NELL1: variants seen among roughly 807,000 people sequenced by gnomAD.
NELL1 encodes protein kinase C-binding protein NELL1.
A neutral mutation model predicts 107.4 loss-of-function variants in NELL1; 76 were observed. That is an observed-to-expected ratio of 0.71 (90% confidence interval 0.59 to 0.86). The LOEUF (loss-of-function observed/expected upper bound fraction) is 0.86, where lower values mean the gene tolerates loss of function less well. NELL1 is among the 40% of genes least tolerant of loss of function. The pLI, the probability that NELL1 is intolerant of heterozygous loss-of-function variation, is 0.00. For synonymous variants in NELL1, 353 were observed against 341.2 expected, an observed-to-expected ratio of 1.03 and a Z score of -0.38; for missense variants, 1,024 against 1,005.5, an observed-to-expected ratio of 1.02 and a Z score of -0.25.
At chr11:21,192,778 C>CT (rs1857074439) in intron 13 of NELL1, among the ~76,000 whole-genome samples, 1 of 151,724 alleles carries the variant, frequency 6.6e-6, no homozygotes. Context: ...AATGTGGCCA[C>CT]TTTTTTCTGG....
chr11:21,118,468 C>T (rs555708303), intron 13 of NELL1, among the ~76,000 whole-genome samples: 101 of 152,142 alleles, frequency 6.6e-4, no homozygotes, highest in Non-Finnish European at 2.5e-4. Context: ...TATATTATGT[C>T]CCCACCCATA....
chr11:20,890,143 G>C (rs1297845461), intron 5 of NELL1, among the ~76,000 whole-genome samples: 1 of 152,094 alleles, frequency 6.6e-6, no homozygotes, highest in African/African-American at 2.4e-5. Context: ...GTCCCAGAAG[G>C]AGCAGGAATC....
At chr11:21,391,411 C>T (rs10160607) in intron 15 of NELL1, among the ~76,000 whole-genome samples, 76,005 of 151,486 alleles carry the variant, frequency 0.5, 19,378 homozygotes, top group South Asian at 0.65. Flanking sequence ...ATTTCTGGGA[C>T]TTAAAAAAAT....
chr11:21,075,846 G>A (rs905643189), intron 12 of NELL1, among the ~76,000 whole-genome samples: 7 of 151,930 alleles, frequency 4.6e-5, no homozygotes, highest in East Asian at 3.9e-4. Flanking sequence ...TTCTATAATC[G>A]GTCATGGGGT....
chr11:21,272,741 T>G (rs1319875114), intron 14 of NELL1, among the ~76,000 whole-genome samples: 1 of 152,172 alleles, frequency 6.6e-6, no homozygotes, highest in Non-Finnish European at 1.5e-5. Context: ...CATCTGCTGT[T>G]CACCAATATC....
intron 15 of NELL1, among the ~76,000 whole-genome samples, chr11:21,492,811 G>A (rs1441418926): frequency 1.3e-5 from 2 of 151,122 alleles, no homozygotes; most frequent in East Asian, 1.9e-4. Context: ...CGAGTTAATG[G>A]GTACAGCACA....
chr11:20,991,373 C>A (rs780057201), intron 12 of NELL1, among the ~76,000 whole-genome samples: 1 of 152,168 alleles, frequency 6.6e-6, no homozygotes, highest in Non-Finnish European at 1.5e-5. Flanking sequence ...CATATGTCAA[C>A]CCTTATTGAG....
chr11:20,699,994 T>G (rs1854731501), intron 2 of NELL1, among the ~76,000 whole-genome samples: 1 of 151,922 alleles, frequency 6.6e-6, no homozygotes, highest in Admixed American at 6.6e-5. Flanking sequence ...TAAGGTGGTA[T>G]CTCATTGTGG....
intron 2 of NELL1, among the ~76,000 whole-genome samples, chr11:20,727,120 G>A (rs1855525648): frequency 6.6e-6 from 1 of 152,180 alleles, no homozygotes; most frequent in African/African-American, 2.4e-5. Context: ...CCAGTAATGG[G>A]ATGGCTGGGT....
intron 16 of NELL1, among the ~76,000 whole-genome samples, chr11:21,544,870 G>A (rs1856394894): frequency 6.6e-6 from 1 of 151,702 alleles, no homozygotes; most frequent in African/African-American, 2.4e-5. Context: ...TGAATAATGA[G>A]CTGTTTCAGA....
intron 5 of NELL1, among the ~76,000 whole-genome samples, chr11:20,888,323 G>A (rs1395592507): frequency 6.6e-6 from 1 of 151,848 alleles, no homozygotes; most frequent in Non-Finnish European, 1.5e-5. Context: ...TTTAATATGT[G>A]TGAATATGTA....
At chr11:21,421,942 A>G (rs1852683921) in intron 15 of NELL1, among the ~76,000 whole-genome samples, 1 of 152,210 alleles carries the variant, frequency 6.6e-6, no homozygotes, top group Non-Finnish European at 1.5e-5. Context: ...CAAGATTATC[A>G]GCAGATTTTT....
chr11:21,115,846 G>A (rs1342047622), intron 13 of NELL1, among the ~76,000 whole-genome samples: 1 of 151,870 alleles, frequency 6.6e-6, no homozygotes, highest in African/African-American at 2.4e-5. Flanking sequence ...TATCATCACT[G>A]CCTCCTCTCA....
At chr11:21,488,851 A>G (rs902573304) in intron 15 of NELL1, among the ~76,000 whole-genome samples, 1 of 152,142 alleles carries the variant, frequency 6.6e-6, no homozygotes, top group African/African-American at 2.4e-5. Context: ...ATTTCAAATA[A>G]TAACCTAATG....
intron 14 of NELL1, among the ~76,000 whole-genome samples, chr11:21,323,778 G>T (rs1291352748): frequency 6.6e-6 from 1 of 151,954 alleles, no homozygotes; most frequent in East Asian, 1.9e-4. Flanking sequence ...TTTGTTATCT[G>T]ATACCTTCCA....
chr11:20,749,441 A>T (rs1187608404), intron 2 of NELL1, among the ~76,000 whole-genome samples: 1 of 151,940 alleles, frequency 6.6e-6, no homozygotes, highest in Non-Finnish European at 1.5e-5. Flanking sequence ...TCTACAAAAC[A>T]TTAAAAAAAA....
At chr11:20,876,083 T>A (rs2134094149) in intron 4 of NELL1, among the ~76,000 whole-genome samples, 1 of 152,364 alleles carries the variant, frequency 6.6e-6, no homozygotes, top group African/African-American at 2.4e-5. Context: ...CCTTGCAGAC[T>A]TCAACTGTGT....
intron 15 of NELL1, among the ~76,000 whole-genome samples, chr11:21,390,414 T>C (rs1006363083): frequency 9.3e-5 from 14 of 150,492 alleles, no homozygotes; most frequent in African/African-American, 3.4e-4. Flanking sequence ...TTACTATTTC[T>C]AGAGTTTTTT....
chr11:21,522,834 C>CTTTTCT (rs1855761601), intron 15 of NELL1, among the ~76,000 whole-genome samples: 1 of 68,432 alleles, frequency 1.5e-5, no homozygotes, highest in Non-Finnish European at 2.5e-5. Context: ...TTTTTCTTTT[C>CTTTTCT]TTTTTTTTTT....
Sources: gnomAD v4.1 joint callset for allele counts (sites outside exome capture counted in the v4.1 genomes callset) on GRCh38, gnomAD v4.1.1 for gene constraint, MANE v1.5 for transcripts, NCBI Gene and HGNC (gene_info 2026-07-23, HGNC 2026-07-21) for gene names.